The following GRAP2 variants were observed in gnomAD, a reference collection of about 807,000 sequenced individuals.
GRAP2 encodes the protein GRB2 related adaptor protein 2.
A neutral mutation model predicts 43.5 loss-of-function variants in GRAP2; 31 were observed. The ratio of observed to expected loss-of-function variants is 0.71; its 90% CI spans 0.54 to 0.96. GRAP2 has a LOEUF of 0.96. Ranked by LOEUF, GRAP2 falls within the 40% of genes least tolerant of loss-of-function variation. The pLI is 0.00. For missense variants in GRAP2, 371 were observed against 424.4 expected, an observed-to-expected ratio of 0.87 and a Z score of 1.11; for synonymous variants, 156 against 164.8, an observed-to-expected ratio of 0.95 and a Z score of 0.41.
chr22:39,933,081 G>T (rs1240015015), intron 1 of GRAP2, among the ~76,000 whole-genome samples: 1 of 152,212 alleles, frequency 6.6e-6, no homozygotes, highest in Admixed American at 6.5e-5. Flanking sequence ...GGGTATGAGG[G>T]GGGCAGGCCC....
chr22:39,939,416 G>A (rs909473455), intron 1 of GRAP2, among the ~76,000 whole-genome samples: 8 of 151,782 alleles, frequency 5.3e-5, no homozygotes, highest in Non-Finnish European at 1.2e-4. Flanking sequence ...CAAAAAATTA[G>A]CCGGGCGTGG....
chr22:39,931,816 C>T (rs1420880891), intron 1 of GRAP2, among the ~76,000 whole-genome samples: 47 of 152,218 alleles, frequency 3.1e-4, no homozygotes, highest in Non-Finnish European at 2.9e-5. Context: ...AACAGAAATT[C>T]CAATATATAA....
chr22:39,940,766 GAGA>G (rs1430864805), intron 1 of GRAP2, among the ~76,000 whole-genome samples: 3 of 152,144 alleles, frequency 2.0e-5, no homozygotes, highest in Non-Finnish European at 2.9e-5. Flanking sequence ...CAGTGTGTAG[GAGA>G]AGATGACCAC....
chr22:39,953,852 G>A (rs1314990096), intron 2 of GRAP2, among the ~76,000 whole-genome samples: 3 of 152,120 alleles, frequency 2.0e-5, no homozygotes, highest in Non-Finnish European at 4.4e-5. Flanking sequence ...GGGCTCAAGC[G>A]ATCGTCCACT....
upstream of GRAP2, among the ~76,000 whole-genome samples, chr22:39,897,839 G>A (rs1360533904): frequency 6.6e-6 from 1 of 152,000 alleles, no homozygotes; most frequent in South Asian, 2.1e-4. Context: ...CTCCTAACTG[G>A]TCTCTCTTCT....
Position 39,954,519 on chromosome 22 carries a change from C to T in GRAP2, c.79-1300C>T, listed in dbSNP as rs566370304. ...AAGCAATTCTCCTGCCTCAGCCTCC[C>T]GAGTAGCTGGGATTACAGGCATGTG... On this transcript the variant is annotated intron_variant, in intron 2 of 7. Coordinates refer to ENST00000344138, the MANE Select transcript of GRAP2 (RefSeq NM_004810.4). Among the ~76,000 whole-genome samples the T allele has an allele frequency of 1.5e-3, 233 of 152,216 alleles. 2 individuals carry two copies. The highest frequency in any genetic ancestry group is 2.7e-3 in the Non-Finnish European group (183 of 67,994).
At chr22:39,958,465 G>T (rs780228763) in intron 3 of GRAP2, among the ~76,000 whole-genome samples, 3 of 152,182 alleles carry the variant, frequency 2.0e-5, no homozygotes, top group Admixed American at 6.5e-5. Context: ...GAGGGCAGGG[G>T]TGTGTGTCTG....
At chr22:39,933,083 G>C (rs1341858780) in intron 1 of GRAP2, among the ~76,000 whole-genome samples, 5 of 152,202 alleles carry the variant, frequency 3.3e-5, no homozygotes, top group African/African-American at 1.2e-4. Flanking sequence ...GTATGAGGGG[G>C]GCAGGCCCTG....
At chr22:39,930,349 C>A (rs949967357) in intron 1 of GRAP2, among the ~76,000 whole-genome samples, 6 of 152,174 alleles carry the variant, frequency 3.9e-5, no homozygotes, top group South Asian at 2.1e-4. Context: ...CTGGCTCCAC[C>A]ATTTTTTGAT....
At chr22:39,904,249 A>G (rs1258044401) in intron 1 of GRAP2, among the ~76,000 whole-genome samples, 2 of 152,180 alleles carry the variant, frequency 1.3e-5, no homozygotes, top group Non-Finnish European at 2.9e-5. Context: ...TTAGCCGGGC[A>G]TGATGGCAGG....
At chr22:39,963,357 A>C (rs1244303416) in intron 4 of GRAP2, among the ~76,000 whole-genome samples, 1 of 151,964 alleles carries the variant, frequency 6.6e-6, no homozygotes, top group Non-Finnish European at 1.5e-5. Flanking sequence ...CAACCCTCAC[A>C]CCCATCCTTA....
intron 1 of GRAP2, among the ~76,000 whole-genome samples, chr22:39,938,622 A>G (rs1445817642): frequency 6.6e-6 from 1 of 152,234 alleles, no homozygotes; most frequent in Non-Finnish European, 1.5e-5. Context: ...CTGTGGGCTG[A>G]GCCTGAGGCC....
rs143919866 is a variant in GRAP2 at position 39,901,204 on chromosome 22, A to T, written c.-141A>T. 5.0e-5 allele frequency: 43 copies of T among 867,742 alleles called. No homozygotes were observed. The highest frequency in any genetic ancestry group is 5.1e-4 in the Middle Eastern group (2 of 3,906). 53.8% of individuals were successfully genotyped at this position (867,742 alleles called of 1,614,324 possible). ...CAGAGTGGTACATGGAAGACAGCAC[A>T]AAGTGGATCCATACTCTGAAATGCA... On this transcript the variant is annotated 5_prime_UTR_variant, in exon 1 of 8. Transcript: ENST00000344138.
intron 1 of GRAP2, among the ~76,000 whole-genome samples, chr22:39,929,851 A>T (rs1282025046): frequency 1.3e-5 from 2 of 152,134 alleles, no homozygotes; most frequent in Non-Finnish European, 2.9e-5. Context: ...CCCTTTAATT[A>T]TCTCCTCTTT....
At chr22:39,920,351 T>A (rs2066639102) in intron 1 of GRAP2, among the ~76,000 whole-genome samples, 1 of 152,246 alleles carries the variant, frequency 6.6e-6, no homozygotes, top group Non-Finnish European at 1.5e-5. Flanking sequence ...ATGCCCAATG[T>A]GTGAACTGAT....
At chr22:39,966,258 G>A (rs1045381896) in intron 5 of GRAP2, 100 bp downstream of exon 5, 14 of 856,972 alleles carry the variant, frequency 1.6e-5, no homozygotes, top group Non-Finnish European at 2.2e-5. Context: ...TAGATCCTCT[G>A]AGTATACTGA....
chr22:39,956,057 C>T (rs2067046694), intron 3 of GRAP2, 147 bp downstream of exon 3: 1 of 583,316 alleles, frequency 1.7e-6, no homozygotes, highest in Non-Finnish European at 3.2e-6. Flanking sequence ...CCAGAGCATG[C>T]AGCTGAAGGC....
intron 2 of GRAP2, among the ~76,000 whole-genome samples, chr22:39,949,093 T>C (rs1460667845): frequency 6.6e-6 from 1 of 152,128 alleles, no homozygotes; most frequent in Non-Finnish European, 1.5e-5. Flanking sequence ...GTCTGCTGGA[T>C]GTCCCCACAT....
chr22:39,905,951 T>G (rs2145568090), intron 1 of GRAP2, among the ~76,000 whole-genome samples: 1 of 152,360 alleles, frequency 6.6e-6, no homozygotes, highest in East Asian at 1.9e-4. Context: ...TTAATTCATC[T>G]GAATAAGAAC....
Sources: allele counts gnomAD v4.1 joint callset (sites outside exome capture counted in the v4.1 genomes callset), GRCh38; gene constraint gnomAD v4.1.1; transcripts MANE v1.5; gene names NCBI Gene and HGNC (gene_info 2026-07-23, HGNC 2026-07-21).